Variants in DACH2 observed in about 807,000 individuals in gnomAD.
The protein encoded by DACH2 is dachshund family transcription factor 2, also known as dachshund homolog 2.
DACH2 carries 17 observed loss-of-function variants against 35.8 expected under a neutral mutation model. The ratio of observed to expected loss-of-function variants is 0.48; its 90% confidence interval spans 0.33 to 0.71. The LOEUF is 0.71. Ranked by LOEUF, DACH2 falls within the 30% of genes least tolerant of loss-of-function variation. DACH2 has a pLI of 0.02. For missense variants in DACH2, 469 were observed against 472.7 expected (o/e 0.99, Z 0.07); for synonymous variants, 195 against 177.3 (o/e 1.10, Z -0.79).
intron 3 of DACH2, among the ~76,000 whole-genome samples, chrX:86,589,134 TTTAA>T (rs747746644): frequency 8.9e-6 from 1 of 111,898 alleles, no homozygotes. Context: ...GGTTTTTGTC[TTTAA>T]TTATGCTTGT....
At chrX:86,292,317 T>G (rs1363454422) in intron 1 of DACH2, among the ~76,000 whole-genome samples, 1 of 98,763 alleles carries the variant, frequency 1.0e-5, no homozygotes, top group Non-Finnish European at 2.0e-5. Context: ...CTTCTCTCTC[T>G]TTTTCTTTAT....
intron 5 of DACH2, among the ~76,000 whole-genome samples, chrX:86,705,722 C>A (rs1054365537): frequency 2.7e-5 from 3 of 111,357 alleles, no homozygotes; most frequent in African/African-American, 9.8e-5. Flanking sequence ...ACCATTCAAT[C>A]CAGCAATCCC....
At chrX:86,568,737 G>A (rs1312735095) in intron 3 of DACH2, among the ~76,000 whole-genome samples, 1 of 111,224 alleles carries the variant, frequency 9.0e-6, no homozygotes, top group Admixed American at 9.6e-5. Flanking sequence ...CACGAATGGG[G>A]CTGTGTAAAG....
chrX:86,224,699 G>T (rs2147926982), intron 1 of DACH2, among the ~76,000 whole-genome samples: 1 of 111,094 alleles, frequency 9.0e-6, no homozygotes, highest in Non-Finnish European at 1.9e-5. Flanking sequence ...TTTTAAACTA[G>T]TTCATCATTC....
intron 6 of DACH2, among the ~76,000 whole-genome samples, chrX:86,719,126 T>C (rs191468396): frequency 1.8e-5 from 2 of 112,324 alleles, no homozygotes; most frequent in East Asian, 5.6e-4. Flanking sequence ...TTTCCATTTG[T>C]TTTTGACATC....
intron 2 of DACH2, among the ~76,000 whole-genome samples, chrX:86,438,708 A>G (rs192646544): frequency 8.9e-6 from 1 of 112,320 alleles, no homozygotes; most frequent in Admixed American, 9.4e-5. Context: ...TCCTTTGGGT[A>G]TATACCCAGT....
rs145311666 is a variant in DACH2, at chrX:86,365,408, A to G, written c.489-11416A>G. Among the ~76,000 whole-genome samples, 352 of 110,866 alleles carry G rather than the reference A, an allele frequency of 3.2e-3. 1 individual carries two copies. Among genetic ancestry groups the G allele is most frequent in the African/African-American group, 0.011 (337 of 30,650 alleles). On this transcript the variant is annotated intron_variant, in intron 1 of 11. Transcript: ENST00000373125. ...CTAAATAAAGAAGAGTGAAAGGAAT[A>G]CAATCATCTTTAGGGAAGGACATTT...
At chrX:86,349,682 C>T (rs1434082461) in intron 1 of DACH2, among the ~76,000 whole-genome samples, 1 of 112,209 alleles carries the variant, frequency 8.9e-6, no homozygotes, top group Non-Finnish European at 1.9e-5. Flanking sequence ...CCAAGATAAT[C>T]TGGTTAAATA....
intron 2 of DACH2, among the ~76,000 whole-genome samples, chrX:86,415,881 A>G (rs2036696568): frequency 8.9e-6 from 1 of 111,757 alleles, no homozygotes; most frequent in Non-Finnish European, 1.9e-5. Context: ...TTGTGTATAT[A>G]TAAGAAAATA....
chrX:86,270,637 C>G (rs777757948), intron 1 of DACH2, among the ~76,000 whole-genome samples: 16 of 112,267 alleles, frequency 1.4e-4, no homozygotes, highest in African/African-American at 4.2e-4. Context: ...AAGCCACAAG[C>G]AGGTTATCAA....
chrX:86,629,484 C>A (rs747678665), intron 3 of DACH2, among the ~76,000 whole-genome samples: 5 of 111,471 alleles, frequency 4.5e-5, no homozygotes, highest in African/African-American at 1.6e-4. Context: ...TCTTATGGCT[C>A]AAATTTTCTT....
intron 2 of DACH2, among the ~76,000 whole-genome samples, chrX:86,410,552 C>T (rs2036593911): frequency 9.0e-6 from 1 of 111,241 alleles, no homozygotes; most frequent in African/African-American, 3.3e-5. Flanking sequence ...ATTTCACAAG[C>T]CTTCCCAAAA....
intron 7 of DACH2, among the ~76,000 whole-genome samples, chrX:86,784,594 G>A (rs1280316031): frequency 8.9e-6 from 1 of 112,035 alleles, no homozygotes; most frequent in Non-Finnish European, 1.9e-5. Flanking sequence ...ACTTAAAACA[G>A]AATTACCATT....
At chrX:86,529,509 G>A (rs954033222) in intron 3 of DACH2, among the ~76,000 whole-genome samples, 5 of 101,542 alleles carry the variant, frequency 4.9e-5, no homozygotes, top group African/African-American at 7.4e-5. Flanking sequence ...AGTCTCGCTC[G>A]TCGCCCAGGC....
At chrX:86,307,997 A>G (rs769664796) in intron 1 of DACH2, among the ~76,000 whole-genome samples, 1 of 111,865 alleles carries the variant, frequency 8.9e-6, no homozygotes, top group East Asian at 2.8e-4. Flanking sequence ...TAGCTGAAAT[A>G]TGGATTAAAA....
intron 2 of DACH2, among the ~76,000 whole-genome samples, chrX:86,377,711 G>A (rs2035989954): frequency 9.1e-6 from 1 of 110,152 alleles, no homozygotes. Flanking sequence ...CTTGATGCAG[G>A]CTTTATCCAT....
chrX:86,764,670 G>A (rs1331524403), intron 7 of DACH2, among the ~76,000 whole-genome samples: 1 of 111,287 alleles, frequency 9.0e-6, no homozygotes, highest in Non-Finnish European at 1.9e-5. Flanking sequence ...CTGCTCTTGT[G>A]AATAGTGCTG....
chrX:86,234,763 A>G (rs1251019452), intron 1 of DACH2, among the ~76,000 whole-genome samples: 1 of 109,178 alleles, frequency 9.2e-6, no homozygotes, highest in Non-Finnish European at 1.9e-5. Flanking sequence ...ATGTGTGTGC[A>G]CCACCATGCC....
At chrX:86,378,992 A>G (rs2036007736) in intron 2 of DACH2, among the ~76,000 whole-genome samples, 1 of 111,347 alleles carries the variant, frequency 9.0e-6, no homozygotes, top group African/African-American at 3.2e-5. Flanking sequence ...AGTGAAATGC[A>G]GTATGAAACA....
Sources: gnomAD v4.1 joint callset for allele counts (sites outside exome capture counted in the v4.1 genomes callset) on GRCh38, gnomAD v4.1.1 for gene constraint, MANE v1.5 for transcripts, NCBI Gene and HGNC (gene_info 2026-07-23, HGNC 2026-07-21) for gene names.